PRIMA1: variants seen among roughly 807,000 people sequenced by gnomAD.
The protein encoded by PRIMA1 is proline-rich membrane anchor 1.
A neutral mutation model predicts 17.5 loss-of-function variants in PRIMA1; 7 were observed. The ratio of observed to expected loss-of-function variants is 0.40; its 90% CI spans 0.23 to 0.75. The LOEUF (loss-of-function observed/expected upper bound fraction) is 0.75. Among genes scored for constraint, PRIMA1 ranks in the 30% least tolerant of loss-of-function variants. The pLI is 0.37. For synonymous variants in PRIMA1, 97 were observed against 77.9 expected, an observed-to-expected ratio of 1.25 and a Z score of -1.29; for missense variants, 200 against 201.8, an observed-to-expected ratio of 0.99 and a Z score of 0.05.
intron 3 of PRIMA1, among the ~76,000 whole-genome samples, chr14:93,742,544 G>T (rs896893704): frequency 6.6e-6 from 1 of 152,226 alleles, no homozygotes; most frequent in African/African-American, 2.4e-5. Context: ...GTGCCCACCT[G>T]TATGGGGTCC....
chr14:93,769,898 C>T (rs376645540), intron 3 of PRIMA1, among the ~76,000 whole-genome samples: 2 of 152,164 alleles, frequency 1.3e-5, no homozygotes, highest in East Asian at 3.9e-4. Flanking sequence ...AACTGAGCCA[C>T]CGCCTTCCTT....
intron 3 of PRIMA1, among the ~76,000 whole-genome samples, chr14:93,738,154 A>G (rs543051948): frequency 6.6e-6 from 1 of 152,288 alleles, no homozygotes; most frequent in South Asian, 2.1e-4. Context: ...AAGGCACCGG[A>G]CACTGGTGCT....
Position 93,722,650 on chromosome 14 carries a change from G to A in PRIMA1, c.360-1104C>T, listed in dbSNP as rs572835638. Among the ~76,000 whole-genome samples the A allele has an allele frequency of 2.6e-4, 39 of 151,822 alleles. 1 individual carries two copies. In the South Asian group the frequency reaches 7.9e-3, roughly 31 times the overall value. On this transcript the variant is annotated intron_variant, in intron 4 of 4. Coordinates refer to ENST00000393140, the MANE Select transcript of PRIMA1 (RefSeq NM_178013.4). The stretch of plus-strand genomic sequence containing the variant: ...TGGTGGTGGTGATGGCAGTGGTGGT[G>A]GCGATGGTGATAGCGGTAATGATGA...
intron 4 of PRIMA1, among the ~76,000 whole-genome samples, chr14:93,729,817 G>A (rs1178893580): frequency 6.6e-6 from 1 of 152,098 alleles, no homozygotes; most frequent in Non-Finnish European, 1.5e-5. Flanking sequence ...GTGCTATTCC[G>A]AAGCTTGGAG....
intron 3 of PRIMA1, among the ~76,000 whole-genome samples, chr14:93,757,410 G>A (rs776726321): frequency 6.6e-6 from 1 of 152,254 alleles, no homozygotes; most frequent in Non-Finnish European, 1.5e-5. Context: ...ATCCCACAGG[G>A]TTTAAGTGGC....
At chr14:93,772,524 G>C (rs530823875) in intron 3 of PRIMA1, among the ~76,000 whole-genome samples, 4 of 152,372 alleles carry the variant, frequency 2.6e-5, no homozygotes, top group African/African-American at 9.6e-5. Context: ...GGACAGGCAG[G>C]CCATGGCTGA....
At chr14:93,743,923 G>A (rs1473779355) in intron 3 of PRIMA1, among the ~76,000 whole-genome samples, 1 of 152,244 alleles carries the variant, frequency 6.6e-6, no homozygotes, top group Non-Finnish European at 1.5e-5. Context: ...ACGCTGAAAA[G>A]CACTTAGGAA....
chr14:93,721,622 G>T, intron 4 of PRIMA1, 76 bp from the exon 5 acceptor site: 1 of 859,692 alleles, frequency 1.2e-6, no homozygotes, highest in Non-Finnish European at 1.9e-6. Flanking sequence ...CTGATGGTGG[G>T]GTGTAACCTC....
chr14:93,774,175 C>A (rs943535341), intron 3 of PRIMA1, among the ~76,000 whole-genome samples: 1 of 152,166 alleles, frequency 6.6e-6, no homozygotes, highest in Non-Finnish European at 1.5e-5. Flanking sequence ...ATTTGAAAAA[C>A]CACTCTTGCC....
intron 4 of PRIMA1, among the ~76,000 whole-genome samples, chr14:93,733,551 T>A (rs2076129451): frequency 6.6e-6 from 1 of 151,982 alleles, no homozygotes; most frequent in South Asian, 2.1e-4. Flanking sequence ...AGTCACCTCC[T>A]CCCTGACCTA....
intron 3 of PRIMA1, among the ~76,000 whole-genome samples, chr14:93,770,270 T>C (rs937880118): frequency 1.4e-4 from 21 of 152,208 alleles, no homozygotes; most frequent in African/African-American, 4.6e-4. Context: ...TCAGTCTTTG[T>C]AAAGTGCACG....
chr14:93,777,334 T>A (rs2141192187), intron 3 of PRIMA1, among the ~76,000 whole-genome samples: 1 of 141,646 alleles, frequency 7.1e-6, no homozygotes, highest in South Asian at 2.3e-4. Flanking sequence ...CCTGGAACAA[T>A]CCCATTCATT....
intron 3 of PRIMA1, among the ~76,000 whole-genome samples, chr14:93,749,071 C>A (rs2076244742): frequency 6.6e-6 from 1 of 152,198 alleles, no homozygotes; most frequent in Admixed American, 6.5e-5. Flanking sequence ...CTCCTTAAGG[C>A]AAGGCCTTGT....
At chr14:93,743,725 A>G (rs2076198286) in intron 3 of PRIMA1, among the ~76,000 whole-genome samples, 1 of 152,150 alleles carries the variant, frequency 6.6e-6, no homozygotes, top group Non-Finnish European at 1.5e-5. Context: ...GGCCATGGGG[A>G]GCAGAGGTGA....
intron 3 of PRIMA1, among the ~76,000 whole-genome samples, chr14:93,757,060 C>T (rs2076295512): frequency 6.6e-6 from 1 of 152,118 alleles, no homozygotes; most frequent in African/African-American, 2.4e-5. Flanking sequence ...AATATTTCTC[C>T]CATTTGGGTC....
chr14:93,785,607 A>G (rs1216867425), intron 2 of PRIMA1, among the ~76,000 whole-genome samples: 1 of 152,208 alleles, frequency 6.6e-6, no homozygotes, highest in Non-Finnish European at 1.5e-5. Context: ...CTTAAAGAGA[A>G]ACACATGGCT....
At chr14:93,744,639 G>A (rs565360614) in intron 3 of PRIMA1, among the ~76,000 whole-genome samples, 10 of 152,326 alleles carry the variant, frequency 6.6e-5, no homozygotes, top group Non-Finnish European at 1.0e-4. Context: ...GGATGAACAC[G>A]GTGCCCTTGT....
At chr14:93,738,833 C>T (rs2076167148) in intron 3 of PRIMA1, among the ~76,000 whole-genome samples, 1 of 152,174 alleles carries the variant, frequency 6.6e-6, no homozygotes, top group South Asian at 2.1e-4. Context: ...CAGTCCCACC[C>T]TGGGGCAACC....
At chr14:93,748,093 A>T (rs1156717075) in intron 3 of PRIMA1, among the ~76,000 whole-genome samples, 2 of 150,332 alleles carry the variant, frequency 1.3e-5, no homozygotes, top group African/African-American at 4.9e-5. Flanking sequence ...AGTGCGTATG[A>T]GTGTGTGAAT....
Sources: allele counts gnomAD v4.1 joint callset (sites outside exome capture counted in the v4.1 genomes callset), GRCh38; gene constraint gnomAD v4.1.1; transcripts MANE v1.5; gene names NCBI Gene and HGNC (gene_info 2026-07-23, HGNC 2026-07-21).